The following RIMS1 variants were observed in gnomAD, a reference collection of about 807,000 sequenced individuals.
RIMS1 encodes regulating synaptic membrane exocytosis protein 1.
RIMS1 carries 83 observed loss-of-function variants against 214.1 expected under a neutral mutation model. The observed-to-expected ratio is 0.39, with a 90% CI of 0.32 to 0.47. The LOEUF (loss-of-function observed/expected upper bound fraction) is 0.47, where lower values mean the gene tolerates loss of function less well. RIMS1 is among the 20% of genes least tolerant of loss of function. RIMS1 has a pLI of 0.99. For missense variants in RIMS1, 2,050 were observed against 2,161.8 expected (o/e 0.95, Z 1.03); for synonymous variants, 793 against 786.8 (o/e 1.01, Z -0.13).
chr6:72,291,379 C>T (rs932387140), intron 25 of RIMS1, among the ~76,000 whole-genome samples: 9 of 152,178 alleles, frequency 5.9e-5, no homozygotes, highest in African/African-American at 2.2e-4. Context: ...TTAATGCTAG[C>T]ACCAGTGTAT....
chr6:72,326,777 A>G (rs2096486517), intron 28 of RIMS1, among the ~76,000 whole-genome samples: 1 of 151,758 alleles, frequency 6.6e-6, no homozygotes, highest in Non-Finnish European at 1.5e-5. Context: ...GATGGAATTA[A>G]GGTTGCTATT....
intron 2 of RIMS1, among the ~76,000 whole-genome samples, chr6:72,009,565 G>C (rs562627183): frequency 6.6e-6 from 1 of 151,942 alleles, no homozygotes; most frequent in Non-Finnish European, 1.5e-5. Flanking sequence ...CAACAAAATT[G>C]ATAGACCGCT....
intron 1 of RIMS1, among the ~76,000 whole-genome samples, chr6:71,897,143 C>T (rs773952881): frequency 6.6e-6 from 1 of 152,146 alleles, no homozygotes; most frequent in Admixed American, 6.5e-5. Context: ...ATCATCAAAT[C>T]CTACAGATTT....
At chr6:72,119,340 C>T (rs2037740887) in intron 4 of RIMS1, among the ~76,000 whole-genome samples, 1 of 151,794 alleles carries the variant, frequency 6.6e-6, no homozygotes, top group African/African-American at 2.4e-5. Context: ...AAACACATCC[C>T]ATGCTCATGG....
chr6:72,094,586 AT>A (rs1586823294), intron 2 of RIMS1, among the ~76,000 whole-genome samples: 2 of 152,216 alleles, frequency 1.3e-5, no homozygotes, highest in Non-Finnish European at 1.5e-5. Flanking sequence ...GTTTTTGTAA[AT>A]AAAGTTTCAT....
At chr6:71,984,473 A>G (rs72929594) in intron 2 of RIMS1, among the ~76,000 whole-genome samples, 13,817 of 141,520 alleles carry the variant, frequency 0.098, 686 homozygotes, top group African/African-American at 0.11. Flanking sequence ...CAGTGTTACT[A>G]AAATTTTTTA....
At chr6:72,306,452 T>G (rs2095176484) in intron 26 of RIMS1, among the ~76,000 whole-genome samples, 1 of 152,136 alleles carries the variant, frequency 6.6e-6, no homozygotes, top group Non-Finnish European at 1.5e-5. Flanking sequence ...AAATGCAAAA[T>G]TTAAAGGCAA....
chr6:72,021,336 G>A (rs111495431), intron 2 of RIMS1, among the ~76,000 whole-genome samples: 1,752 of 152,268 alleles, frequency 0.012, 9 homozygotes, highest in Non-Finnish European at 0.017. Context: ...GATTATAGGG[G>A]CTTTGGGTAT....
chr6:72,289,296 T>C (rs1350883031), intron 24 of RIMS1, among the ~76,000 whole-genome samples: 6 of 152,116 alleles, frequency 3.9e-5, no homozygotes, highest in Admixed American at 6.6e-5. Context: ...TTTTAAAGAG[T>C]AATAGATAAA....
chr6:72,234,181 G>A (rs555938106), intron 7 of RIMS1, among the ~76,000 whole-genome samples: 3 of 151,744 alleles, frequency 2.0e-5, no homozygotes, highest in Non-Finnish European at 4.4e-5. Flanking sequence ...ATTTAAAAAT[G>A]TATACTTATT....
chr6:72,335,632 C>T (rs1184894369), intron 29 of RIMS1, among the ~76,000 whole-genome samples: 2 of 151,924 alleles, frequency 1.3e-5, no homozygotes, highest in Admixed American at 6.6e-5. Context: ...GTTCTAGATG[C>T]TTGAGGAATC....
chr6:72,326,934 A>G (rs1372538207), intron 28 of RIMS1, among the ~76,000 whole-genome samples: 1 of 151,726 alleles, frequency 6.6e-6, no homozygotes, highest in Non-Finnish European at 1.5e-5. Flanking sequence ...GTGATTCCAC[A>G]TGTATGCAAC....
chr6:72,057,635 G>C (rs1826659251), intron 2 of RIMS1, among the ~76,000 whole-genome samples: 1 of 151,798 alleles, frequency 6.6e-6, no homozygotes. Context: ...AGCCTCCGGA[G>C]TAGCTGGGAC....
intron 2 of RIMS1, among the ~76,000 whole-genome samples, chr6:72,039,909 C>A (rs559032541): frequency 6.6e-6 from 1 of 152,042 alleles, no homozygotes; most frequent in African/African-American, 2.4e-5. Context: ...CTTAATAAGG[C>A]AGGAGAAAGA....
rs190270343 is a variant in RIMS1 at position 72,271,109 on chromosome 6, T to C, written c.3399-3240T>C. ...GGTGAAACCCCGTCTCTATGAAAAATACAAAAAGTAGCCAGGCGTGGCGGT... is the reference window on the plus strand; with the variant it reads ...GGTGAAACCCCGTCTCTATGAAAAACACAAAAAGTAGCCAGGCGTGGCGGT... On this transcript the variant is annotated intron_variant, in intron 22 of 33. Coordinates refer to ENST00000521978, the MANE Select transcript of RIMS1 (RefSeq NM_014989.7). Among the ~76,000 whole-genome samples, 589 of 150,884 alleles carry C rather than the reference T, an allele frequency of 3.9e-3. 5 individuals are homozygous for C. Among genetic ancestry groups the C allele is most frequent in the African/African-American group, 0.014 (572 of 41,096 alleles).
chr6:71,965,324 A>G (rs1390163208), intron 1 of RIMS1, among the ~76,000 whole-genome samples: 1 of 152,170 alleles, frequency 6.6e-6, no homozygotes, highest in South Asian at 2.1e-4. Context: ...GGTAGAAGGT[A>G]GTGATTGCAG....
chr6:72,139,556 T>C (rs1163231373), intron 4 of RIMS1, among the ~76,000 whole-genome samples: 1 of 152,164 alleles, frequency 6.6e-6, no homozygotes, highest in East Asian at 1.9e-4. Flanking sequence ...GATTATAAGC[T>C]TTGTGATCTT....
rs1158966546 is a variant in RIMS1, at chr6:72,191,045, A to G, written c.1678+7896A>G. Among the ~76,000 whole-genome samples the G allele has an allele frequency of 2.6e-5, 4 of 152,198 alleles. No homozygotes were observed. The East Asian group carries it at 5.8e-4, about 22-fold the overall frequency. On this transcript the variant is annotated intron_variant, in intron 6 of 33. Transcript: ENST00000521978. Reference sequence around the variant, plus strand: ...CAAACAGCATCTCTATCTGCCACTGACACCTCAGACACCATTAGATCTGCT... The same window carrying G: ...CAAACAGCATCTCTATCTGCCACTGGCACCTCAGACACCATTAGATCTGCT...
At chr6:72,274,260 C>A (rs1563385311) in intron 22 of RIMS1, 89 bp from the exon 23 acceptor site, 2 of 837,050 alleles carry the variant, frequency 2.4e-6, no homozygotes, top group East Asian at 2.7e-5. Context: ...TTATGGGGTG[C>A]TTTTCCAGTC....
Sources: gnomAD v4.1 joint callset for allele counts (sites outside exome capture counted in the v4.1 genomes callset) on GRCh38, gnomAD v4.1.1 for gene constraint, MANE v1.5 for transcripts, NCBI Gene and HGNC (gene_info 2026-07-23, HGNC 2026-07-21) for gene names.